ZBTB49: variants seen among roughly 807,000 people sequenced by gnomAD.
ZBTB49 encodes the protein zinc finger and BTB domain-containing protein 49.
ZBTB49 carries 43 observed loss-of-function variants against 57.5 expected under a neutral mutation model. The observed-to-expected ratio is 0.75, with a 90% CI of 0.59 to 0.97. The LOEUF (loss-of-function observed/expected upper bound fraction) is 0.97, where lower values mean the gene tolerates loss of function less well. Ranked by LOEUF, ZBTB49 falls within the 50% of genes least tolerant of loss-of-function variation. The pLI is 0.00. For missense variants in ZBTB49, 938 were observed against 947.7 expected, an observed-to-expected ratio of 0.99 and a Z score of 0.13; for synonymous variants, 369 against 362.1, an observed-to-expected ratio of 1.02 and a Z score of -0.22.
intron 1 of ZBTB49, among the ~76,000 whole-genome samples, chr4:4,298,760 A>G (rs1380204723): frequency 6.6e-6 from 1 of 152,122 alleles, no homozygotes; most frequent in Non-Finnish European, 1.5e-5. Flanking sequence ...GTCTTGTCCC[A>G]AACTGGTTCC....
At position 4,321,106 on chromosome 4, in the gene ZBTB49, C is replaced by T; in HGVS notation, c.2088C>T (p.Asp696=). 3 of 1,614,196 alleles carry T rather than the reference C, an allele frequency of 1.9e-6. No individual in the cohort carries two copies. Among genetic ancestry groups the T allele is most frequent in the Non-Finnish European group, 2.5e-6 (3 of 1,180,040 alleles). Residue 696 remains aspartate (D), a synonymous_variant, in exon 8 of 8, where the codon GAC becomes GAT. Transcript: ENST00000337872. Reference sequence around the variant, plus strand: ...AGGCCTATGCTTACTCGGATGTGGACACCCCAGCCGGTGGCGAACCACTGC... The same window carrying T: ...AGGCCTATGCTTACTCGGATGTGGATACCCCAGCCGGTGGCGAACCACTGC... The part of the protein sequence containing the change: ...QPQAYAYSDV[D]TPAGGEPLQA...
intron 3 of ZBTB49, among the ~76,000 whole-genome samples, chr4:4,304,776 C>T (rs1023631355): frequency 3.9e-5 from 6 of 152,156 alleles, no homozygotes; most frequent in Admixed American, 3.9e-4. Flanking sequence ...TATGAGTGTA[C>T]AGTTAGTCTG....
intron 1 of ZBTB49, among the ~76,000 whole-genome samples, chr4:4,292,229 C>G (rs535808606): frequency 6.6e-6 from 1 of 152,080 alleles, no homozygotes; most frequent in South Asian, 2.1e-4. Flanking sequence ...TGCACTGAGC[C>G]GAAAGCACAC....
intron 1 of ZBTB49, among the ~76,000 whole-genome samples, chr4:4,294,844 AT>A (rs1720111779): frequency 6.9e-6 from 1 of 144,932 alleles, no homozygotes; most frequent in East Asian, 2.1e-4. Flanking sequence ...TTTTTACCTA[AT>A]TTTAACAGGT....
At chr4:4,311,992 A>C (rs576230190) in intron 4 of ZBTB49, among the ~76,000 whole-genome samples, 1 of 152,188 alleles carries the variant, frequency 6.6e-6, no homozygotes, top group African/African-American at 2.4e-5. Context: ...CTCATCTTCA[A>C]ATCTTAACCA....
chr4:4,300,519 CTTAA>C (rs942149070), intron 2 of ZBTB49, among the ~76,000 whole-genome samples: 2 of 151,230 alleles, frequency 1.3e-5, no homozygotes, highest in African/African-American at 4.9e-5. Context: ...TCTTTTTTTT[CTTAA>C]TTAAAGCATT....
At chr4:4,309,420 T>C (rs1020215246) in intron 4 of ZBTB49, among the ~76,000 whole-genome samples, 3 of 152,086 alleles carry the variant, frequency 2.0e-5, no homozygotes, top group African/African-American at 7.2e-5. Flanking sequence ...ACATGGACTG[T>C]TTGGAGGGCA....
chr4:4,294,418 G>A (rs531273069), intron 1 of ZBTB49, among the ~76,000 whole-genome samples: 2 of 152,276 alleles, frequency 1.3e-5, no homozygotes, highest in Admixed American at 6.5e-5. Context: ...GTGCAGTGGT[G>A]CAATCTCGGC....
intron 4 of ZBTB49, among the ~76,000 whole-genome samples, chr4:4,306,564 G>A (rs1720744960): frequency 1.3e-5 from 2 of 152,190 alleles, no homozygotes; most frequent in African/African-American, 4.8e-5. Flanking sequence ...TGGGACTGTA[G>A]ATTGTAGGAT....
chr4:4,319,675 GC>G (rs1427974706), intron 7 of ZBTB49, among the ~76,000 whole-genome samples: 5 of 151,994 alleles, frequency 3.3e-5, no homozygotes, highest in Non-Finnish European at 5.9e-5. Context: ...ATAAAAATTA[GC>G]CTGGTGTGTT....
chr4:4,303,134 G>A lies in ZBTB49; in HGVS notation c.1255+43G>A, dbSNP rs533420506. On this transcript the variant is annotated intron_variant, in intron 3 of 7. Coordinates refer to ENST00000337872, the MANE Select transcript of ZBTB49 (RefSeq NM_145291.4). The stretch of plus-strand genomic sequence containing the variant: ...CACAGGCAGAAGGGAAGGACGTAAT[G>A]CGGATGCTCAGACACCACTGGCTCT... 19 of 1,518,616 alleles carry A rather than the reference G, an allele frequency of 1.3e-5. No individual in the cohort carries two copies. The South Asian group carries it at 2.6e-4, about 21-fold the overall frequency. The allele number at this position is 1,518,616 out of a possible 1,614,324, so 94.1% of individuals were successfully genotyped here.
At chr4:4,318,875 G>A (rs182602288) in intron 7 of ZBTB49, among the ~76,000 whole-genome samples, 1 of 142,510 alleles carries the variant, frequency 7.0e-6, no homozygotes, top group Non-Finnish European at 1.5e-5. Context: ...GCAGTGTTTT[G>A]GTTTTTGTTT....
rs71169632 is a variant in ZBTB49 at position 4,299,810 on chromosome 4, T to TGTGTGAGAGA, written c.-19-116_-19-115insTGTGAGAGAG. 240 of 607,890 alleles carry TGTGTGAGAGA rather than the reference T, an allele frequency of 3.9e-4. No homozygotes were observed. In the African/African-American group the frequency reaches 4.1e-3, roughly 10 times the overall value. The allele number at this position is 607,890 out of a possible 1,614,324, so 37.7% of individuals were successfully genotyped here. ...GTGTGTGTGTGTGTGTGTGTGTGTGTGAGAGAGAAACTGTGATGAGAGAGT... is the reference window on the plus strand; with the variant it reads ...GTGTGTGTGTGTGTGTGTGTGTGTGTGTGTGAGAGAGAGAGAGAAACTGTGATGAGAGAGT... On this transcript the variant is annotated intron_variant, in intron 1 of 7. Transcript: ENST00000337872.
intron 4 of ZBTB49, 118 bp downstream of exon 4, chr4:4,306,302 A>G: frequency 1.2e-6 from 1 of 822,296 alleles, no homozygotes; most frequent in South Asian, 1.5e-5. Context: ...TCTGTAACTT[A>G]AAGACTTCAG....
intron 1 of ZBTB49, among the ~76,000 whole-genome samples, chr4:4,298,504 A>G (rs919026595): frequency 6.6e-6 from 1 of 151,748 alleles, no homozygotes; most frequent in African/African-American, 2.4e-5. Flanking sequence ...ATGACTCACT[A>G]CAGCCTCAAC....
rs1006466878 is a variant in ZBTB49, at chr4:4,321,262, T to C, written c.2244T>C (p.Thr748=). Reference sequence around the variant, plus strand: ...AGGGTCAGTTTTTCTCCAGCATGACTCTCTGGGGGCTAGCGATGAAGACGC... The same window carrying C: ...AGGGTCAGTTTTTCTCCAGCATGACCCTCTGGGGGCTAGCGATGAAGACGC... ...NSEGQFFSSM[T]LWGLAMKTLQ... The change falls in exon 8 of 8, where the codon ACT becomes ACC. Residue 748 remains threonine, a synonymous_variant. Coordinates refer to ENST00000337872, the MANE Select transcript of ZBTB49 (RefSeq NM_145291.4). 6.2e-7 allele frequency: 1 copy of C among 1,613,910 alleles called. No individual in the cohort carries two copies.
At chr4:4,306,012 A>G (rs1039218727) in intron 3 of ZBTB49, 126 bp from the exon 4 acceptor site, 12 of 690,514 alleles carry the variant, frequency 1.7e-5, no homozygotes, top group Non-Finnish European at 2.7e-5. Context: ...GACACTCCCT[A>G]TTTTCATACT....
intron 2 of ZBTB49, 103 bp from the exon 3 acceptor site, chr4:4,301,886 A>T (rs1720486657): frequency 1.7e-6 from 2 of 1,168,952 alleles, no homozygotes; most frequent in East Asian, 6.0e-5. Flanking sequence ...TTTGACATTC[A>T]CAGAAGGATA....
At chr4:4,306,088 G>T in intron 3 of ZBTB49, 50 bp from the exon 4 acceptor site, 2 of 1,559,312 alleles carry the variant, frequency 1.3e-6, no homozygotes, top group South Asian at 2.3e-5. Flanking sequence ...AAAAATTATT[G>T]AACAAATACT....
Sources: allele counts gnomAD v4.1 joint callset (sites outside exome capture counted in the v4.1 genomes callset), GRCh38; gene constraint gnomAD v4.1.1; transcripts MANE v1.5; gene names NCBI Gene and HGNC (gene_info 2026-07-23, HGNC 2026-07-21).